The following DLGAP2 variants were observed in gnomAD, a reference collection of about 807,000 sequenced individuals.
DLGAP2 encodes DLG associated protein 2, also known as disks large-associated protein 2.
DLGAP2 carries 26 observed loss-of-function variants against 100.3 expected under a neutral mutation model. That is an observed-to-expected ratio of 0.26 (90% CI 0.19 to 0.36). The LOEUF (loss-of-function observed/expected upper bound fraction) is 0.36. Among genes scored for constraint, DLGAP2 ranks in the 10% least tolerant of loss-of-function variants. The pLI is 1.00. For synonymous variants in DLGAP2, 886 were observed against 630.1 expected (o/e 1.41, Z -6.08); for missense variants, 1,858 against 1,453.2 (o/e 1.28, Z -4.53).
At chr8:1,584,595 C>G (rs1796056431) in intron 6 of DLGAP2, among the ~76,000 whole-genome samples, 1 of 152,208 alleles carries the variant, frequency 6.6e-6, no homozygotes, top group Admixed American at 6.5e-5. Context: ...AGCATTTGCA[C>G]TCTGATCGGT....
chr8:995,719 G>A (rs1197658420), intron 2 of DLGAP2, among the ~76,000 whole-genome samples: 1 of 152,200 alleles, frequency 6.6e-6, no homozygotes, highest in Non-Finnish European at 1.5e-5. Flanking sequence ...AACTGTTTCA[G>A]TTAGAAAAAT....
chr8:1,170,300 G>A (rs1252199670), intron 2 of DLGAP2, among the ~76,000 whole-genome samples: 3 of 151,926 alleles, frequency 2.0e-5, no homozygotes, highest in Non-Finnish European at 2.9e-5. Flanking sequence ...TTTTATTGAG[G>A]ATTTTTGCAT....
chr8:1,673,840 A>G (rs1798748037), intron 10 of DLGAP2, among the ~76,000 whole-genome samples: 1 of 152,222 alleles, frequency 6.6e-6, no homozygotes, highest in South Asian at 2.1e-4. Flanking sequence ...AAAAATAACA[A>G]AAATATATTA....
chr8:881,680 C>G (rs1284188053), intron 1 of DLGAP2, among the ~76,000 whole-genome samples: 1 of 53,402 alleles, frequency 1.9e-5, no homozygotes, highest in Non-Finnish European at 5.2e-5. Context: ...CACACACACA[C>G]ACTTTTTTTT....
At chr8:1,407,614 G>C (rs1305160122) in intron 3 of DLGAP2, among the ~76,000 whole-genome samples, 6 of 78,572 alleles carry the variant, frequency 7.6e-5, no homozygotes, top group African/African-American at 2.4e-4. Flanking sequence ...TCATCCTCCA[G>C]AGTCGTGTAT....
In DLGAP2 at chr8:1,240,294, T is replaced by G. The variant is rs955053898; in HGVS notation, c.74-18557T>G. Among the ~76,000 whole-genome samples, 34 of 138,752 alleles carry G rather than the reference T, an allele frequency of 2.5e-4. 1 individual carries two copies. Among genetic ancestry groups the G allele is most frequent in the Non-Finnish European group, 3.2e-4 (20 of 62,736 alleles). The allele number at this position is 138,752 out of a possible 152,430, so 91.0% of individuals were successfully genotyped here. A position where few individuals can be genotyped will look rare whatever the true frequency, so the allele number is the denominator to read the frequency against. ...TGTCTAGTTCTGTTACATGGCGCCG[T>G]GTCTAGTTCTCTCACATGGTGCTGT... is the stretch of plus-strand genomic sequence containing the variant. On this transcript the variant is annotated intron_variant, in intron 2 of 14. Coordinates refer to ENST00000637795, the MANE Select transcript of DLGAP2 (RefSeq NM_001346810.2).
At chr8:917,423 A>T (rs910131931) in intron 2 of DLGAP2, among the ~76,000 whole-genome samples, 3 of 152,018 alleles carry the variant, frequency 2.0e-5, no homozygotes, top group African/African-American at 7.2e-5. Context: ...ATTTTTATAG[A>T]GGTGAAGTCT....
At chr8:1,350,244 C>A (rs1247376190) in intron 3 of DLGAP2, among the ~76,000 whole-genome samples, 1 of 117,320 alleles carries the variant, frequency 8.5e-6, no homozygotes, top group African/African-American at 3.2e-5. Context: ...GTGGAAAGGC[C>A]GTGCGGGTCC....
intron 2 of DLGAP2, among the ~76,000 whole-genome samples, chr8:1,149,206 C>T (rs577184826): frequency 1.4e-4 from 22 of 152,120 alleles, no homozygotes; most frequent in East Asian, 5.8e-4. Flanking sequence ...AGTGCAGTGG[C>T]GCAATGTCGG....
intron 2 of DLGAP2, among the ~76,000 whole-genome samples, chr8:1,004,903 C>A (rs1801062417): frequency 6.6e-6 from 1 of 152,140 alleles, no homozygotes; most frequent in Non-Finnish European, 1.5e-5. Context: ...AGAACTCAGG[C>A]AGGAGGGGGC....
intron 3 of DLGAP2, among the ~76,000 whole-genome samples, chr8:1,428,663 T>A (rs1309786343): frequency 6.6e-6 from 1 of 152,250 alleles, no homozygotes; most frequent in African/African-American, 2.4e-5. Context: ...GCCCATACTT[T>A]TAACACAGTG....
intron 6 of DLGAP2, 120 bp downstream of exon 6, chr8:1,566,014 A>AAATT: frequency 1.3e-6 from 1 of 771,548 alleles, no homozygotes; most frequent in Non-Finnish European, 1.9e-6. Context: ...GCCAAGCTGA[A>AAATT]AATATTAGAC....
intron 3 of DLGAP2, among the ~76,000 whole-genome samples, chr8:1,275,632 G>A (rs1286717012): frequency 1.3e-5 from 2 of 148,794 alleles, no homozygotes; most frequent in African/African-American, 5.0e-5. Context: ...TAGGAAAAGG[G>A]TCCAAGTAGT....
chr8:909,299 A>C (rs1445220750), intron 2 of DLGAP2, among the ~76,000 whole-genome samples: 3 of 152,236 alleles, frequency 2.0e-5, no homozygotes. Context: ...AACTGTGTCC[A>C]TCAAAGTCAG....
At chr8:848,404 T>G in intron 1 of DLGAP2, among the ~76,000 whole-genome samples, 1 of 93,136 alleles carries the variant, frequency 1.1e-5, no homozygotes, top group Non-Finnish European at 2.3e-5. Flanking sequence ...CAGTGTAGGG[T>G]CGTGCGGTGC....
intron 3 of DLGAP2, among the ~76,000 whole-genome samples, chr8:1,299,628 C>G (rs1416861883): frequency 1.3e-5 from 2 of 152,162 alleles, no homozygotes; most frequent in Non-Finnish European, 2.9e-5. Flanking sequence ...AGCTTGTCTT[C>G]TGATGTTGGC....
rs190494784 is a variant in DLGAP2, at chr8:814,745, C to T, written c.18+76920C>T. Among the ~76,000 whole-genome samples, 1,375 of 143,238 alleles carry T rather than the reference C, an allele frequency of 9.6e-3. 17 individuals are homozygous for T. Among genetic ancestry groups the T allele is most frequent in the South Asian group, 0.026 (115 of 4,374 alleles). The allele number at this position is 143,238 out of a possible 152,430, so 94.0% of individuals were successfully genotyped here. ...GCAGGTGCCTATAGTCCCAGCTACT[C>T]GGGAGGCTGAGGCGGGAGGATGGTG... is the stretch of plus-strand genomic sequence containing the variant. On this transcript the variant is annotated intron_variant, in intron 1 of 14. Transcript: ENST00000637795.
intron 2 of DLGAP2, among the ~76,000 whole-genome samples, chr8:918,977 G>A (rs781549966): frequency 7.9e-5 from 12 of 152,172 alleles, no homozygotes; most frequent in Non-Finnish European, 1.2e-4. Context: ...GTCTCACTGT[G>A]TTGCCCAGGC....
chr8:1,191,271 G>C (rs545126129), intron 2 of DLGAP2, among the ~76,000 whole-genome samples: 120 of 149,444 alleles, frequency 8.0e-4, no homozygotes, highest in East Asian at 1.4e-3. Flanking sequence ...CCCGGGTTCA[G>C]GCCATTCTCC....
Sources: gnomAD v4.1 joint callset for allele counts (sites outside exome capture counted in the v4.1 genomes callset) on GRCh38, gnomAD v4.1.1 for gene constraint, MANE v1.5 for transcripts, NCBI Gene and HGNC (gene_info 2026-07-23, HGNC 2026-07-21) for gene names.